Variants in MACROD2 observed in about 807,000 individuals in gnomAD.
The protein encoded by MACROD2 is ADP-ribose glycohydrolase MACROD2.
Under a neutral mutation model 70.4 loss-of-function variants are expected in MACROD2, and 36 were observed. The observed-to-expected ratio is 0.51, with a 90% CI of 0.39 to 0.68. MACROD2 has a LOEUF of 0.68. Among genes scored for constraint, MACROD2 ranks in the 30% least tolerant of loss-of-function variants. The pLI, the probability that MACROD2 is intolerant of heterozygous loss-of-function variation, is 0.00. For synonymous variants in MACROD2, 172 were observed against 178.8 expected (o/e 0.96, Z 0.30); for missense variants, 496 against 538.4 (o/e 0.92, Z 0.78).
At chr20:15,614,599 G>T (rs780393247) in intron 8 of MACROD2, among the ~76,000 whole-genome samples, 13 of 152,056 alleles carry the variant, frequency 8.5e-5, no homozygotes, top group Non-Finnish European at 1.8e-4. Context: ...ACGTAAATTG[G>T]AATCACTACC....
Position 15,597,291 on chromosome 20 carries a change from G to A in MACROD2, c.645+97444G>A, listed in dbSNP as rs117421962. ...TAGGGAATATATTGGCCTGAGGCGT[G>A]TCTCCACATGAAAAATGTAAAAGAT... On this transcript the variant is annotated intron_variant, in intron 8 of 17. Coordinates refer to ENST00000684519, the MANE Select transcript of MACROD2 (RefSeq NM_001351661.2). Among the ~76,000 whole-genome samples, 1,234 of 152,346 alleles carry A rather than the reference G, an allele frequency of 8.1e-3. 18 individuals carry two copies. Among genetic ancestry groups the A allele is most frequent in the South Asian group, 0.067 (322 of 4,822 alleles).
intron 10 of MACROD2, chr20:15,894,144 C>G: frequency 2.8e-6 from 1 of 361,022 alleles, no homozygotes; most frequent in South Asian, 2.1e-5. Context: ...GCAGGTCTCA[C>G]TTGAAAAGAA....
At chr20:15,833,921 C>A (rs2064084893) in intron 8 of MACROD2, among the ~76,000 whole-genome samples, 1 of 152,076 alleles carries the variant, frequency 6.6e-6, no homozygotes, top group Non-Finnish European at 1.5e-5. Context: ...TAAGAGGAGG[C>A]CAGGATGTGC....
intron 5 of MACROD2, among the ~76,000 whole-genome samples, chr20:15,122,590 T>A (rs2076038493): frequency 6.6e-6 from 1 of 152,230 alleles, no homozygotes; most frequent in Non-Finnish European, 1.5e-5. Flanking sequence ...GTAATCCTCT[T>A]AGTCAACCGA....
intron 3 of MACROD2, among the ~76,000 whole-genome samples, chr20:14,479,292 T>C (rs978572220): frequency 6.6e-6 from 1 of 152,104 alleles, no homozygotes; most frequent in Non-Finnish European, 1.5e-5. Flanking sequence ...CAGGTGCTTG[T>C]TGAGGCCTGA....
intron 5 of MACROD2, among the ~76,000 whole-genome samples, chr20:15,192,050 CTAT>C (rs2076575896): frequency 1.3e-5 from 2 of 151,038 alleles, no homozygotes; most frequent in Middle Eastern, 3.4e-3. Context: ...ATCTATCTAT[CTAT>C]CTATCTATCT....
intron 15 of MACROD2, among the ~76,000 whole-genome samples, chr20:16,036,560 T>C (rs891945093): frequency 8.6e-5 from 13 of 151,968 alleles, no homozygotes; most frequent in African/African-American, 2.9e-4. Context: ...CTTGTTTGTG[T>C]TTCAACCAGC....
At chr20:15,303,814 C>T (rs1251041013) in intron 6 of MACROD2, among the ~76,000 whole-genome samples, 1 of 152,148 alleles carries the variant, frequency 6.6e-6, no homozygotes, top group Non-Finnish European at 1.5e-5. Context: ...TGATCACTCA[C>T]AAGTGTTTTT....
chr20:15,934,240 G>T (rs895912599), intron 11 of MACROD2, among the ~76,000 whole-genome samples: 5 of 152,148 alleles, frequency 3.3e-5, no homozygotes, highest in African/African-American at 1.2e-4. Context: ...TGAACTCTTG[G>T]AATTAAACCA....
chr20:14,499,501 C>A (rs946018270), intron 4 of MACROD2, among the ~76,000 whole-genome samples: 13 of 152,002 alleles, frequency 8.6e-5, no homozygotes, highest in African/African-American at 3.1e-4. Flanking sequence ...CCACTGCACT[C>A]CAGCCTGGCC....
rs545981785 is a variant in MACROD2, at chr20:14,214,177, A to G, written c.271+128449A>G. 2.4e-3 allele frequency among the ~76,000 whole-genome samples: 364 copies of G among 152,320 alleles called. 2 individuals are homozygous for G. Among genetic ancestry groups the G allele is most frequent in the African/African-American group, 7.8e-3 (325 of 41,572 alleles). On this transcript the variant is annotated intron_variant, in intron 3 of 17. Coordinates refer to ENST00000684519, the MANE Select transcript of MACROD2 (RefSeq NM_001351661.2). ...ATTAAAGTCTTTGTTACTTTTAAGA[A>G]GACTATCCTACGCTTTGAGAAATTG...
intron 3 of MACROD2, among the ~76,000 whole-genome samples, chr20:14,377,795 A>C (rs2083385977): frequency 6.6e-6 from 1 of 152,192 alleles, no homozygotes; most frequent in Admixed American, 6.5e-5. Flanking sequence ...TATGTTGTTA[A>C]TTCACTTTTC....
intron 4 of MACROD2, among the ~76,000 whole-genome samples, chr20:14,618,398 C>T (rs1371716268): frequency 2.0e-5 from 3 of 152,136 alleles, no homozygotes; most frequent in Admixed American, 6.5e-5. Context: ...CAACAAATTA[C>T]TTACCTCTCA....
chr20:14,041,952 A>G (rs2053396934), intron 2 of MACROD2, among the ~76,000 whole-genome samples: 1 of 152,164 alleles, frequency 6.6e-6, no homozygotes, highest in Non-Finnish European at 1.5e-5. Flanking sequence ...AGCCATCAGT[A>G]CAGAACAATC....
chr20:14,020,742 C>G (rs1178367994), intron 2 of MACROD2, among the ~76,000 whole-genome samples: 2 of 152,052 alleles, frequency 1.3e-5, no homozygotes, highest in Non-Finnish European at 2.9e-5. Flanking sequence ...AAAGACTAGT[C>G]CTTGTTGTGT....
chr20:15,063,308 C>G (rs1045210842), intron 5 of MACROD2, among the ~76,000 whole-genome samples: 1 of 152,216 alleles, frequency 6.6e-6, no homozygotes, highest in Non-Finnish European at 1.5e-5. Context: ...TGCTTCAACT[C>G]CCTCTCCTAT....
At chr20:14,427,082 C>G (rs2083942418) in intron 3 of MACROD2, among the ~76,000 whole-genome samples, 1 of 152,108 alleles carries the variant, frequency 6.6e-6, no homozygotes, top group African/African-American at 2.4e-5. Flanking sequence ...TTGGCTCTTA[C>G]ATCATGGACT....
chr20:14,183,415 T>A (rs2081320327), intron 3 of MACROD2, among the ~76,000 whole-genome samples: 1 of 152,202 alleles, frequency 6.6e-6, no homozygotes, highest in South Asian at 2.1e-4. Context: ...TACATTTTCT[T>A]TATCTAGTCT....
chr20:15,519,404 G>A (rs779046267), intron 8 of MACROD2, among the ~76,000 whole-genome samples: 9 of 152,130 alleles, frequency 5.9e-5, no homozygotes, highest in African/African-American at 1.2e-4. Context: ...GATTACAGGC[G>A]TGAGTCACCG....
Sources: allele counts gnomAD v4.1 joint callset (sites outside exome capture counted in the v4.1 genomes callset), GRCh38; gene constraint gnomAD v4.1.1; transcripts MANE v1.5; gene names NCBI Gene and HGNC (gene_info 2026-07-23, HGNC 2026-07-21).